Variants in COL4A1 observed in about 807,000 individuals in gnomAD.
COL4A1 encodes collagen alpha-1(IV) chain.
A neutral mutation model predicts 216.6 loss-of-function variants in COL4A1; 40 were observed. The ratio of observed to expected loss-of-function variants is 0.18; its 90% CI spans 0.14 to 0.24. The LOEUF is 0.24. Ranked by LOEUF, COL4A1 falls within the 10% of genes least tolerant of loss-of-function variation. The pLI is 1.00. For synonymous variants in COL4A1, 839 were observed against 810.7 expected (o/e 1.03, Z -0.59); for missense variants, 1,628 against 2,196.8 (o/e 0.74, Z 5.18).
At chr13:110,246,878 T>C (rs1336428530) in intron 1 of COL4A1, among the ~76,000 whole-genome samples, 5 of 152,144 alleles carry the variant, frequency 3.3e-5, no homozygotes, top group African/African-American at 1.2e-4. Flanking sequence ...AGGCACACAC[T>C]TAACCCGAGT....
Position 110,162,006 on chromosome 13 carries a change from T to C in COL4A1, c.4462+224A>G, listed in dbSNP as rs899251210. ...GATTTTCGAAGATTCAGTCTCCACA[T>C]TTCTTGGCTTGCCATTAGTAATACA... On this transcript the variant is annotated intron_variant, in intron 48 of 51. Coordinates refer to ENST00000375820, the MANE Select transcript of COL4A1 (RefSeq NM_001845.6). 8.7e-5 allele frequency: 54 copies of C among 618,394 alleles called. No individual in the cohort carries two copies. In the Admixed American group the frequency reaches 1.2e-3, roughly 13 times the overall value. The allele number at this position is 618,394 out of a possible 1,614,324, so 38.3% of individuals were successfully genotyped here. A position where few individuals can be genotyped will look rare whatever the true frequency, so the allele number is the denominator to read the frequency against.
intron 20 of COL4A1, among the ~76,000 whole-genome samples, chr13:110,199,379 G>A (rs903700870): frequency 6.6e-6 from 1 of 152,174 alleles, no homozygotes; most frequent in Non-Finnish European, 1.5e-5. Flanking sequence ...GAGAGGAGAG[G>A]GAAGAGCGCT....
intron 22 of COL4A1, among the ~76,000 whole-genome samples, chr13:110,194,665 A>G (rs1218264317): frequency 1.3e-5 from 2 of 152,222 alleles, no homozygotes; most frequent in East Asian, 3.8e-4. Flanking sequence ...AGGGAAGAGC[A>G]TTCTTTGGTA....
chr13:110,302,199 T>C (rs1241717835), intron 1 of COL4A1, among the ~76,000 whole-genome samples: 3 of 152,176 alleles, frequency 2.0e-5, no homozygotes, highest in Non-Finnish European at 4.4e-5. Flanking sequence ...TAAAGCCTCA[T>C]AGTCTCTGGG....
At position 110,268,547 on chromosome 13, in the gene COL4A1, T is replaced by C. The variant is rs9301442; in HGVS notation, c.85-25813A>G. On this transcript the variant is annotated intron_variant, in intron 1 of 51. Transcript: ENST00000375820. This position sits in a 1 kb window ranked among gnomAD's most constrained non-coding sequence, Gnocchi z 4.1. ...CAGAAAAACTTGGTCATTTGGCTTC[T>C]GCAGATGACTTCAGGGTGGTGTGGC... 0.41 allele frequency among the ~76,000 whole-genome samples: 62,779 copies of C among 152,186 alleles called. 13,401 individuals are homozygous for C. Among genetic ancestry groups the C allele is most frequent in the Admixed American group, 0.53 (8,166 of 15,300 alleles).
chr13:110,254,251 C>T (rs756430484), intron 1 of COL4A1, among the ~76,000 whole-genome samples: 9 of 152,116 alleles, frequency 5.9e-5, no homozygotes, highest in Non-Finnish European at 4.4e-5. Flanking sequence ...TCACATTAAG[C>T]GAGAAATTCC....
chr13:110,233,231 A>T (rs927402395), intron 2 of COL4A1, among the ~76,000 whole-genome samples: 52 of 152,240 alleles, frequency 3.4e-4, no homozygotes, highest in Admixed American at 3.4e-3. Flanking sequence ...CACTGATCAC[A>T]TGGATTCTCA....
chr13:110,176,493 T>C lies in COL4A1; in HGVS notation c.2989A>G (p.Ile997Val). 1.2e-6 allele frequency: 2 copies of C among 1,613,868 alleles called. No homozygotes were observed. The highest frequency in any genetic ancestry group is 1.7e-6 in the Non-Finnish European group (2 of 1,179,722). Residue 997 changes from isoleucine to valine, a missense_variant, in exon 36 of 52, where the codon ATA (isoleucine) becomes GTA (valine). Ile to Val is a conservative substitution (Grantham distance 29, BLOSUM62 3). Around this residue, in one of 8 missense-constraint regions of COL4A1, gnomAD observed 58 missense variants for 132.5 expected, o/e 0.44. Transcript: ENST00000375820. The part of the protein sequence containing the change: ...GQPGPKGDPG[I>V]SGTPGAPGLP... ...CCTGGAGCACCTGGGGTTCCACTTA[T>C]ACCTGGATCACCTTTAGGTCCTAGA...
At chr13:110,286,403 C>T (rs1431118896) in intron 1 of COL4A1, among the ~76,000 whole-genome samples, 1 of 152,194 alleles carries the variant, frequency 6.6e-6, no homozygotes, top group Non-Finnish European at 1.5e-5. Flanking sequence ...TGGAGGGGCC[C>T]GCTGTCCGGT....
chr13:110,286,795 A>C (rs1195910532), intron 1 of COL4A1, among the ~76,000 whole-genome samples: 1 of 152,216 alleles, frequency 6.6e-6, no homozygotes, highest in Non-Finnish European at 1.5e-5. Context: ...AAGATCCCAA[A>C]TGCTCACTTT....
chr13:110,159,435 T>C (rs1876962178), intron 49 of COL4A1, among the ~76,000 whole-genome samples: 1 of 152,076 alleles, frequency 6.6e-6, no homozygotes, highest in Admixed American at 6.5e-5. Context: ...ATGGCTACTA[T>C]CAAAAACGCA....
chr13:110,187,430 T>C, intron 24 of COL4A1, 101 bp from the exon 25 acceptor site: 2 of 1,388,584 alleles, frequency 1.4e-6, no homozygotes, highest in South Asian at 2.4e-5. Flanking sequence ...GCCACCTTCT[T>C]GAAAATGGTC....
intron 20 of COL4A1, among the ~76,000 whole-genome samples, chr13:110,199,752 T>C (rs528556626): frequency 5.3e-5 from 8 of 152,300 alleles, no homozygotes; most frequent in Admixed American, 3.9e-4. Flanking sequence ...GCAACTTCAA[T>C]GGCTTTTTAT....
intron 4 of COL4A1, 83 bp from the exon 5 acceptor site, chr13:110,212,701 T>C: frequency 6.6e-7 from 1 of 1,504,482 alleles, no homozygotes; most frequent in Non-Finnish European, 9.2e-7. Context: ...GTTAATGGAG[T>C]CATGCCCTCA....
intron 1 of COL4A1, among the ~76,000 whole-genome samples, chr13:110,246,068 A>G (rs1881794670): frequency 6.6e-6 from 1 of 152,178 alleles, no homozygotes; most frequent in African/African-American, 2.4e-5. Flanking sequence ...TTAGCTTTTC[A>G]GAACAAAAGA....
At chr13:110,157,179 G>A (rs1388946395) in intron 49 of COL4A1, among the ~76,000 whole-genome samples, 4 of 152,198 alleles carry the variant, frequency 2.6e-5, no homozygotes, top group African/African-American at 9.7e-5. Context: ...CTAAGGCCAG[G>A]GTTAGTTGTG....
At chr13:110,237,287 G>A (rs375276560) in intron 2 of COL4A1, among the ~76,000 whole-genome samples, 8 of 152,140 alleles carry the variant, frequency 5.3e-5, no homozygotes, top group African/African-American at 1.2e-4. Context: ...AAACTGAGTC[G>A]TACTCTGGTT....
rs1877524833 is a variant in COL4A1, at chr13:110,169,846, C to T, written c.3743-84G>A. Reference sequence around the variant, plus strand: ...CTGTGGGGCTATCAATACTGCCACCCACGGCCCCTCACTGATACAACACTG... The same window carrying T: ...CTGTGGGGCTATCAATACTGCCACCTACGGCCCCTCACTGATACAACACTG... On this transcript the variant is annotated intron_variant, in intron 42 of 51. Transcript: ENST00000375820. 1.0e-5 allele frequency: 16 copies of T among 1,538,672 alleles called. No homozygotes were observed. In the South Asian group the frequency reaches 1.1e-4, roughly 11 times the overall value.
chr13:110,276,116 T>C (rs989198290), intron 1 of COL4A1, among the ~76,000 whole-genome samples: 30 of 151,966 alleles, frequency 2.0e-4, no homozygotes, highest in Admixed American at 6.5e-5. Flanking sequence ...TGACCCACTC[T>C]GGTGCGGGAT....
Sources: allele counts gnomAD v4.1 joint callset (sites outside exome capture counted in the v4.1 genomes callset), GRCh38; gene constraint gnomAD v4.1.1; regional missense constraint gnomAD v4.1.1; non-coding constraint Gnocchi (gnomAD v3.1); transcripts MANE v1.5; gene names NCBI Gene and HGNC (gene_info 2026-07-23, HGNC 2026-07-21).